Variants in LRRC9 observed in about 807,000 individuals in gnomAD.
The protein encoded by LRRC9 is leucine-rich repeat-containing protein 9.
A neutral mutation model predicts 63.2 loss-of-function variants in LRRC9; 122 were observed. That is an observed-to-expected ratio of 1.93 (90% CI 1.67 to 2.24). The LOEUF (loss-of-function observed/expected upper bound fraction) is 2.24. Ranked by LOEUF, LRRC9 falls within the 30% of genes most tolerant of loss-of-function variation. The pLI is 0.00. For synonymous variants in LRRC9, 366 were observed against 213.1 expected, an observed-to-expected ratio of 1.72 and a Z score of -6.25; for missense variants, 1,071 against 627.7, an observed-to-expected ratio of 1.71 and a Z score of -7.55.
At chr14:59,939,202 A>G (rs1881490469) in intron 7 of LRRC9, among the ~76,000 whole-genome samples, 1 of 151,630 alleles carries the variant, frequency 6.6e-6, no homozygotes. Context: ...GAAAATATCT[A>G]TGGTTTATGG....
In LRRC9 at chr14:60,047,609, T is replaced by A. The variant is rs35194129; in HGVS notation, c.3991-5456T>A. Among the ~76,000 whole-genome samples the A allele has an allele frequency of 9.9e-3, 1,507 of 152,304 alleles. 7 individuals are homozygous for A. Among genetic ancestry groups the A allele is most frequent in the Non-Finnish European group, 0.017 (1,184 of 68,024 alleles). ...TTCAACAAGAGCTAACTATCCTAAA[T>A]ATATAGTCACACCATAAAGGAGCAC... On this transcript the variant is annotated intron_variant, in intron 29 of 31. Coordinates refer to ENST00000445360, the Ensembl canonical transcript of LRRC9.
At chr14:59,999,902 A>G (rs193070962) in intron 19 of LRRC9, among the ~76,000 whole-genome samples, 10 of 152,224 alleles carry the variant, frequency 6.6e-5, no homozygotes, top group African/African-American at 1.9e-4. Context: ...AAAAGAACTA[A>G]AAATAGAACT....
At chr14:59,975,076 G>T (rs1333235982) in intron 13 of LRRC9, among the ~76,000 whole-genome samples, 1 of 54,884 alleles carries the variant, frequency 1.8e-5, no homozygotes, top group African/African-American at 4.4e-5. Context: ...ATGTGTGTGT[G>T]TGTGTGTGTA....
intron 8 of LRRC9, 85 bp from the exon 9 acceptor site, chr14:59,959,733 C>T (rs1012494720): frequency 4.1e-6 from 2 of 490,642 alleles, no homozygotes; most frequent in Non-Finnish European, 7.2e-6. Context: ...TTAATAGATC[C>T]CATTAAAACT....
chr14:60,040,344 A>C (rs1470259386), intron 29 of LRRC9, among the ~76,000 whole-genome samples: 1 of 151,804 alleles, frequency 6.6e-6, no homozygotes, highest in Non-Finnish European at 1.5e-5. Context: ...TGATCTGTCT[A>C]ATGTTGACAG....
In LRRC9 at chr14:60,042,729, T is replaced by A. The variant is rs1566903106; in HGVS notation, c.3991-10336T>A. On this transcript the variant is annotated intron_variant, in intron 29 of 31. Coordinates refer to ENST00000445360, the Ensembl canonical transcript of LRRC9. The surrounding 1 kb of genome is among the most constrained non-coding windows in gnomAD (Gnocchi z 4.2). ...AGGCAATGCCCTGTCCTGCTTTGGC[T>A]CATGCTCCGTGGGCTGCACCTATTG... Among the ~76,000 whole-genome samples, 1 of 152,194 alleles carries A rather than the reference T, an allele frequency of 6.6e-6. No individual in the cohort carries two copies. Among genetic ancestry groups the A allele is most frequent in the Admixed American group, 6.5e-5 (1 of 15,292 alleles).
intron 3 of LRRC9, among the ~76,000 whole-genome samples, chr14:59,929,375 C>G (rs1044918694): frequency 2.0e-5 from 3 of 151,628 alleles, no homozygotes; most frequent in African/African-American, 7.3e-5. Flanking sequence ...CACTGAGATA[C>G]TATCTCACAC....
chr14:60,050,185 C>T (rs1466267543), intron 29 of LRRC9, among the ~76,000 whole-genome samples: 1 of 151,876 alleles, frequency 6.6e-6, no homozygotes, highest in Non-Finnish European at 1.5e-5. Flanking sequence ...TTAGTAGAGA[C>T]AGGTTTCACC....
At chr14:59,969,864 TC>T (rs1434578620) in intron 12 of LRRC9, among the ~76,000 whole-genome samples, 1 of 152,166 alleles carries the variant, frequency 6.6e-6, no homozygotes, top group Non-Finnish European at 1.5e-5. Context: ...AAAATGTACA[TC>T]TTCAGTTAGG....
chr14:59,920,794 G>C (rs1459482895), intron 1 of LRRC9, among the ~76,000 whole-genome samples: 1 of 152,170 alleles, frequency 6.6e-6, no homozygotes, highest in Non-Finnish European at 1.5e-5. Context: ...ATTATACTCT[G>C]GTCATGGAGA....
At chr14:59,965,439 T>C (rs1884732552) in intron 10 of LRRC9, among the ~76,000 whole-genome samples, 1 of 152,210 alleles carries the variant, frequency 6.6e-6, no homozygotes, top group Admixed American at 6.5e-5. Flanking sequence ...AGACAATGCC[T>C]CTTTCACATC....
At position 60,019,822 on chromosome 14, in the gene LRRC9, C is replaced by T. The variant is rs189722127; in HGVS notation, c.3566+562C>T. Among the ~76,000 whole-genome samples the T allele has an allele frequency of 2.1e-4, 31 of 150,028 alleles. No homozygotes were observed. The East Asian group carries it at 5.9e-3, about 28-fold the overall frequency. ...ACAACAAACCTTCTACCTCCTTACACATTTTTGACAGAACATATATATACA... is the reference window on the plus strand; with the variant it reads ...ACAACAAACCTTCTACCTCCTTACATATTTTTGACAGAACATATATATACA... On this transcript the variant is annotated intron_variant, in intron 26 of 31. Transcript: ENST00000445360.
At chr14:59,998,926 T>C (rs1210622127) in intron 18 of LRRC9, among the ~76,000 whole-genome samples, 175 bp from the exon 19 acceptor site, 1 of 152,058 alleles carries the variant, frequency 6.6e-6, no homozygotes, top group Non-Finnish European at 1.5e-5. Context: ...AACAAACAGA[T>C]TAATTATTCA....
At chr14:60,023,405 G>T (rs1891268354) in intron 27 of LRRC9, among the ~76,000 whole-genome samples, 1 of 151,938 alleles carries the variant, frequency 6.6e-6, no homozygotes, top group Non-Finnish European at 1.5e-5. Context: ...ATAGAATCTA[G>T]ATTGAAGGTG....
chr14:59,931,947 T>A lies in LRRC9; in HGVS notation c.473-22T>A, dbSNP rs77067699. 5,110 of 696,350 alleles carry A rather than the reference T, an allele frequency of 7.3e-3. 241 individuals are homozygous for A. In the East Asian group the frequency reaches 0.093, roughly 13 times the overall value. The allele number at this position is 696,350 out of a possible 1,614,324, so 43.1% of individuals were successfully genotyped here. A position where few individuals can be genotyped will look rare whatever the true frequency, so the allele number is the denominator to read the frequency against. ...TGAACAGAAGGTAAAATAATTGAAT[T>A]CTTTTCGTCTATTTTTTAAAGGTCG... is the stretch of plus-strand genomic sequence containing the variant. On this transcript the variant is annotated intron_variant, in intron 5 of 31. Transcript: ENST00000445360.
intron 23 of LRRC9, among the ~76,000 whole-genome samples, chr14:60,015,431 CA>C (rs1429618366): frequency 6.6e-6 from 1 of 152,082 alleles, no homozygotes; most frequent in East Asian, 1.9e-4. Context: ...GGCACTATAC[CA>C]GTGAGAAGAC....
rs368065898 is a variant in LRRC9 at position 60,043,756 on chromosome 14, C to CTT, written c.3991-9288_3991-9287dup. ...GAGCGTAGCCTGTAGTTTTCTTTTC[C>CTT]TTTTTTTTTTTTTTTTTTTTTTGCC... On this transcript the variant is annotated intron_variant, in intron 29 of 31. Coordinates refer to ENST00000445360, the Ensembl canonical transcript of LRRC9. Among the ~76,000 whole-genome samples the CTT allele has an allele frequency of 7.6e-3, 547 of 71,518 alleles. 1 individual carries two copies. The highest frequency in any genetic ancestry group is 0.018 in the East Asian group (39 of 2,166). 46.9% of individuals were successfully genotyped at this position (71,518 alleles called of 152,430 possible). A position where few individuals can be genotyped will look rare whatever the true frequency, so the allele number is the denominator to read the frequency against.
exon 16 of LRRC9, chr14:59,982,023 T>C (rs1886983123): frequency 1.4e-6 from 1 of 702,374 alleles, no homozygotes. Context: ...AAAACAATAC[T>C]TTCCCTTGCA....
At chr14:60,023,889 A>G (rs1891312805) in intron 27 of LRRC9, among the ~76,000 whole-genome samples, 1 of 152,046 alleles carries the variant, frequency 6.6e-6, no homozygotes, top group Non-Finnish European at 1.5e-5. Context: ...GAGTGAGAAC[A>G]TGCAGTGTTT....
Sources: allele counts gnomAD v4.1 joint callset (sites outside exome capture counted in the v4.1 genomes callset), GRCh38; gene constraint gnomAD v4.1.1; non-coding constraint Gnocchi (gnomAD v3.1); transcripts MANE v1.5; gene names NCBI Gene and HGNC (gene_info 2026-07-23, HGNC 2026-07-21).